The following JMJD1C variants were observed in gnomAD, a reference collection of about 807,000 sequenced individuals.
The protein encoded by JMJD1C is jumonji domain-containing protein 1C.
In JMJD1C, 31 loss-of-function variants were observed where a neutral mutation model predicts 245.3. The ratio of observed to expected loss-of-function variants is 0.13; its 90% CI spans 0.09 to 0.17. The LOEUF (loss-of-function observed/expected upper bound fraction) is 0.17. JMJD1C is among the 10% of genes least tolerant of loss of function. JMJD1C has a pLI of 1.00. For missense variants in JMJD1C, 2,691 were observed against 3,000.2 expected (o/e 0.90, Z 2.41); for synonymous variants, 1,057 against 1,017.4 (o/e 1.04, Z -0.74).
intron 1 of JMJD1C, among the ~76,000 whole-genome samples, chr10:63,427,021 G>A (rs757464799): frequency 6.6e-6 from 1 of 152,154 alleles, no homozygotes; most frequent in South Asian, 2.1e-4. Context: ...AGACATCCTC[G>A]TTAAAAATAA....
At chr10:63,375,973 G>C (rs774229683) in intron 2 of JMJD1C, among the ~76,000 whole-genome samples, 7 of 152,022 alleles carry the variant, frequency 4.6e-5, no homozygotes, top group Non-Finnish European at 7.4e-5. Flanking sequence ...AAGGGACCCT[G>C]AATAACCAAA....
intron 1 of JMJD1C, among the ~76,000 whole-genome samples, chr10:63,406,843 C>A (rs1303256180): frequency 1.3e-5 from 2 of 152,060 alleles, no homozygotes; most frequent in Admixed American, 1.3e-4. Flanking sequence ...TCAGTCAAGA[C>A]ACTTACAAAA....
intron 1 of JMJD1C, among the ~76,000 whole-genome samples, chr10:63,398,154 G>A (rs934516644): frequency 4.6e-5 from 7 of 152,036 alleles, no homozygotes; most frequent in African/African-American, 2.4e-5. Flanking sequence ...CCCAGGTTGG[G>A]TTGTTTGTTT....
At chr10:63,432,993 C>G (rs957253459) in intron 1 of JMJD1C, among the ~76,000 whole-genome samples, 1 of 152,176 alleles carries the variant, frequency 6.6e-6, no homozygotes, top group East Asian at 1.9e-4. Flanking sequence ...GAGTTCTTCT[C>G]TTCACTGTCA....
intron 1 of JMJD1C, among the ~76,000 whole-genome samples, chr10:63,408,783 C>T (rs80285835): frequency 0.012 from 1,808 of 150,578 alleles, 26 homozygotes; most frequent in Non-Finnish European, 0.019. Context: ...AAGAAATCCA[C>T]GAAAAGAATC....
chr10:63,315,523 A>G (rs1013090726), intron 2 of JMJD1C, among the ~76,000 whole-genome samples: 1 of 152,024 alleles, frequency 6.6e-6, no homozygotes, highest in Non-Finnish European at 1.5e-5. Context: ...TTTTCTCTTC[A>G]CTTTTGAAGG....
chr10:63,221,156 A>G (rs1014571859), intron 3 of JMJD1C, among the ~76,000 whole-genome samples: 1 of 152,042 alleles, frequency 6.6e-6, no homozygotes, highest in Non-Finnish European at 1.5e-5. Flanking sequence ...CCGTGAATAG[A>G]AAAGAGCTAA....
chr10:63,403,266 C>A (rs1362288773), intron 1 of JMJD1C, among the ~76,000 whole-genome samples: 1 of 152,150 alleles, frequency 6.6e-6, no homozygotes, highest in Non-Finnish European at 1.5e-5. Flanking sequence ...CAGAAACAAA[C>A]TTCCAAAGTA....
In JMJD1C at chr10:63,362,436, T is replaced by C. The variant is rs10995517; in HGVS notation, c.333+17882A>G. Among the ~76,000 whole-genome samples the C allele has an allele frequency of 2.0e-3, 303 of 150,398 alleles. 1 individual carries two copies. The highest frequency in any genetic ancestry group is 3.6e-3 in the Non-Finnish European group (244 of 67,726). On this transcript the variant is annotated intron_variant, in intron 2 of 25. Coordinates refer to ENST00000399262, the MANE Select transcript of JMJD1C (RefSeq NM_032776.3). The stretch of plus-strand genomic sequence containing the variant: ...GCAAAAACTTAGTTGTAAATCACAA[T>C]AGTTTAAATAGTTCAGTTACACATA...
chr10:63,456,063 C>T (rs1952391536), intron 1 of JMJD1C, among the ~76,000 whole-genome samples: 1 of 151,900 alleles, frequency 6.6e-6, no homozygotes, highest in Non-Finnish European at 1.5e-5. Flanking sequence ...AGTTCAAAAC[C>T]GTTACGGAAA....
At chr10:63,381,610 G>C (rs1352816011) in intron 1 of JMJD1C, among the ~76,000 whole-genome samples, 3 of 152,086 alleles carry the variant, frequency 2.0e-5, no homozygotes, top group Non-Finnish European at 2.9e-5. Flanking sequence ...ATGGGTGAAG[G>C]GGGGAGAAGA....
At position 63,362,557 on chromosome 10, in the gene JMJD1C, G is replaced by A. The variant is rs577059130; in HGVS notation, c.333+17761C>T. Among the ~76,000 whole-genome samples, 236 of 152,084 alleles carry A rather than the reference G, an allele frequency of 1.6e-3. 4 individuals are homozygous for A. The highest frequency in any genetic ancestry group is 1.2e-3 in the Non-Finnish European group (81 of 68,006). ...TGCAGTGGCACAATGACAGCTCACT[G>A]CAGCCTTGGCCTCCAAGGCTGAAAT... is the stretch of plus-strand genomic sequence containing the variant. On this transcript the variant is annotated intron_variant, in intron 2 of 25. Transcript: ENST00000399262.
chr10:63,253,829 C>T (rs143871116), intron 3 of JMJD1C, among the ~76,000 whole-genome samples: 1 of 152,296 alleles, frequency 6.6e-6, no homozygotes, highest in African/African-American at 2.4e-5. Context: ...ACCTCCGCAT[C>T]CCTACGACCA....
chr10:63,483,629 T>C (rs1267513075), intron 1 of JMJD1C, among the ~76,000 whole-genome samples: 1 of 152,212 alleles, frequency 6.6e-6, no homozygotes, highest in Non-Finnish European at 1.5e-5. Flanking sequence ...CCTCCCCCTT[T>C]TGCCATTTTT....
intron 2 of JMJD1C, among the ~76,000 whole-genome samples, chr10:63,288,355 A>G (rs1178535875): frequency 6.6e-6 from 1 of 152,140 alleles, no homozygotes; most frequent in African/African-American, 2.4e-5. Flanking sequence ...GTAATATTTC[A>G]ATGTCTGAAT....
At chr10:63,319,898 G>T (rs1157464443) in intron 2 of JMJD1C, among the ~76,000 whole-genome samples, 1 of 152,154 alleles carries the variant, frequency 6.6e-6, no homozygotes, top group Non-Finnish European at 1.5e-5. Context: ...TGGGTAGCTG[G>T]GATTACAGGC....
intron 1 of JMJD1C, among the ~76,000 whole-genome samples, chr10:63,483,827 C>G (rs1953900928): frequency 6.6e-6 from 1 of 152,048 alleles, no homozygotes; most frequent in Non-Finnish European, 1.5e-5. Flanking sequence ...TTTAATTTGT[C>G]CTTTCTTCAT....
chr10:63,239,467 T>C (rs920643495), intron 3 of JMJD1C, among the ~76,000 whole-genome samples: 3 of 152,034 alleles, frequency 2.0e-5, no homozygotes, highest in Non-Finnish European at 2.9e-5. Context: ...TTTTTGAGAC[T>C]TGCGTCTCGC....
intron 2 of JMJD1C, among the ~76,000 whole-genome samples, chr10:63,270,799 T>C (rs923743133): frequency 3.1e-4 from 47 of 152,110 alleles, no homozygotes; most frequent in African/African-American, 1.1e-3. Context: ...TAGTGGAGAC[T>C]TACGTGATGA....
Sources: allele counts gnomAD v4.1 joint callset (sites outside exome capture counted in the v4.1 genomes callset), GRCh38; gene constraint gnomAD v4.1.1; transcripts MANE v1.5; gene names NCBI Gene and HGNC (gene_info 2026-07-23, HGNC 2026-07-21).